Variants in SMAD4 observed in about 807,000 individuals in gnomAD.
SMAD4 encodes MAD homolog 4.
Under a neutral mutation model 63.2 loss-of-function variants are expected in SMAD4, and 7 were observed. That is an observed-to-expected ratio of 0.11 (90% CI 0.06 to 0.21). The LOEUF is 0.21. SMAD4 is among the 10% of genes least tolerant of loss of function. The pLI, the probability that SMAD4 is intolerant of heterozygous loss-of-function variation, is 1.00. For synonymous variants in SMAD4, 215 were observed against 235.4 expected (o/e 0.91, Z 0.79); for missense variants, 312 against 693.8 (o/e 0.45, Z 6.18).
intron 4 of SMAD4, among the ~76,000 whole-genome samples, chr18:51,049,938 G>T (rs1405336448): frequency 1.3e-5 from 2 of 151,996 alleles, no homozygotes; most frequent in Non-Finnish European, 2.9e-5. Context: ...TGTGAATGGG[G>T]GTGTTTTTGT....
rs1017376458 is a variant in SMAD4 at position 51,081,627 on chromosome 18, A to G, written c.*3160A>G. ...TGAGACATGTGAGTAAACTGAACTC[A>G]TATTAGCTGTGCTGCATTTCAGACT... On this transcript the variant is annotated 3_prime_UTR_variant, in exon 12 of 12. Transcript: ENST00000342988. 5 of 232,738 alleles carry G rather than the reference A, an allele frequency of 2.1e-5. No individual in the cohort carries two copies. The highest frequency in any genetic ancestry group is 1.1e-4 in the African/African-American group (5 of 45,332). 14.4% of individuals were successfully genotyped at this position (232,738 alleles called of 1,614,324 possible).
intron 10 of SMAD4, among the ~76,000 whole-genome samples, chr18:51,070,164 AC>A (rs1423474393): frequency 6.6e-6 from 1 of 152,256 alleles, no homozygotes; most frequent in African/African-American, 2.4e-5. Context: ...TTGAATATAT[AC>A]TGTGTGCCAG....
rs370726274 is a variant in SMAD4 at position 51,055,010 on chromosome 18, G to A, written c.667+17G>A. ...CTTCCACAAGTGAGTTCTAGAATCA[G>A]ATGTAGTCAGCAAGTTGAGTTTTCC... On this transcript the variant is annotated intron_variant, in intron 5 of 11. Coordinates refer to ENST00000342988, the MANE Select transcript of SMAD4 (RefSeq NM_005359.6). 1.4e-5 allele frequency: 22 copies of A among 1,585,686 alleles called. No homozygotes were observed. Among genetic ancestry groups the A allele is most frequent in the African/African-American group, 1.3e-5 (1 of 74,380 alleles).
chr18:51,077,502 CATTGTAAT>C (rs1910499511), intron 11 of SMAD4: 1 of 343,528 alleles, frequency 2.9e-6, no homozygotes, highest in Admixed American at 6.4e-5. Flanking sequence ...CCATTAGTTT[CATTGTAAT>C]ATTGATGAAT....
At chr18:51,049,429 C>T in intron 4 of SMAD4, 105 bp downstream of exon 4, 2 of 827,080 alleles carry the variant, frequency 2.4e-6, no homozygotes, top group Non-Finnish European at 2.1e-6. Flanking sequence ...GTAACATTAA[C>T]AAGAAAATAA....
At chr18:51,045,741 A>C (rs1909525585) in intron 1 of SMAD4, among the ~76,000 whole-genome samples, 1 of 151,982 alleles carries the variant, frequency 6.6e-6, no homozygotes, top group Non-Finnish European at 1.5e-5. Context: ...AATTTTTAGG[A>C]CTTTTTCATT....
chr18:51,051,921 C>T (rs754518708), intron 4 of SMAD4, among the ~76,000 whole-genome samples: 10 of 152,040 alleles, frequency 6.6e-5, no homozygotes, highest in Non-Finnish European at 1.5e-4. Flanking sequence ...ATTCTCCTGC[C>T]TCAGCCTCCT....
rs1183830755 is a variant in SMAD4, at chr18:51,047,025, T to G, written c.-22T>G. The G allele has an allele frequency of 6.2e-7, 1 of 1,611,096 alleles. No homozygotes were observed. Among genetic ancestry groups the G allele is most frequent in the East Asian group, 2.2e-5 (1 of 44,824 alleles). On this transcript the variant is annotated 5_prime_UTR_variant, in exon 2 of 12. It adds an upstream start codon to the 5' untranslated region. Transcript: ENST00000342988. ...TTCAGAAATTGGAGACATATTTGAT[T>G]TAAAAGGAAAAACTTGAACAAATGG...
intron 2 of SMAD4, 28 bp downstream of exon 2, chr18:51,047,323 C>T (rs1407792239): frequency 1.2e-6 from 2 of 1,604,970 alleles, no homozygotes; most frequent in Admixed American, 1.7e-5. Flanking sequence ...TTTTCTATAC[C>T]CTCTATGGTG....
intron 10 of SMAD4, among the ~76,000 whole-genome samples, chr18:51,074,979 G>T (rs1434010004): frequency 1.3e-5 from 2 of 152,078 alleles, no homozygotes; most frequent in Non-Finnish European, 2.9e-5. Flanking sequence ...CAAAGTGCTG[G>T]GATTACAGGC....
chr18:51,073,052 C>T (rs767536868), intron 10 of SMAD4, among the ~76,000 whole-genome samples: 2 of 152,000 alleles, frequency 1.3e-5, no homozygotes, highest in South Asian at 2.1e-4. Context: ...GCTATAATTA[C>T]GTAAATAATC....
Position 51,030,426 on chromosome 18 carries a change from C to A in SMAD4, c.-325C>A, listed in dbSNP as rs1194983612. 1 of 151,252 alleles carries A rather than the reference C, an allele frequency of 6.6e-6. No homozygotes were observed. The highest frequency in any genetic ancestry group is 1.5e-5 in the Non-Finnish European group (1 of 67,712). The allele number at this position is 151,252 out of a possible 1,614,324, so 9.4% of individuals were successfully genotyped here. A position where few individuals can be genotyped will look rare whatever the true frequency, so the allele number is the denominator to read the frequency against. ...GCGCCCAGCGAGAGAGGCCCCCCGC[C>A]GCAGGGCGGCCCGGGAGCTCGAGGC... On this transcript the variant is annotated 5_prime_UTR_variant, in exon 1 of 12. Coordinates refer to ENST00000342988, the MANE Select transcript of SMAD4 (RefSeq NM_005359.6).
intron 8 of SMAD4, 48 bp from the exon 9 acceptor site, chr18:51,065,374 CT>C (rs781255925): frequency 6.7e-7 from 1 of 1,498,796 alleles, no homozygotes; most frequent in East Asian, 2.3e-5. Flanking sequence ...AAGTGAAAGC[CT>C]TATATCTTTC....
chr18:51,070,419 A>ATCTAT (rs2144460424), intron 10 of SMAD4, among the ~76,000 whole-genome samples: 1 of 152,304 alleles, frequency 6.6e-6, no homozygotes, highest in East Asian at 1.9e-4. Flanking sequence ...GTAGATAAAT[A>ATCTAT]CCTTGTTGGA....
chr18:51,035,751 C>A (rs1421813485), intron 1 of SMAD4, among the ~76,000 whole-genome samples: 1 of 152,188 alleles, frequency 6.6e-6, no homozygotes, highest in Non-Finnish European at 1.5e-5. Flanking sequence ...GCATGTTCAG[C>A]TCTCCATTTA....
intron 1 of SMAD4, among the ~76,000 whole-genome samples, chr18:51,038,971 G>A (rs902082400): frequency 2.0e-5 from 3 of 152,140 alleles, no homozygotes; most frequent in Non-Finnish European, 2.9e-5. Flanking sequence ...GCTGGGCATG[G>A]TGGTACATGT....
chr18:51,056,544 C>T (rs945479774), intron 5 of SMAD4, among the ~76,000 whole-genome samples: 5 of 146,652 alleles, frequency 3.4e-5, no homozygotes, highest in Admixed American at 7.0e-5. Context: ...GGCGTGAACC[C>T]GGGAGGCGGA....
In SMAD4 at chr18:51,082,581, A is replaced by G. The variant is rs1226368668; in HGVS notation, c.*4114A>G. On this transcript the variant is annotated 3_prime_UTR_variant, in exon 12 of 12. Coordinates refer to ENST00000342988, the MANE Select transcript of SMAD4 (RefSeq NM_005359.6). The stretch of plus-strand genomic sequence containing the variant: ...TTAATTTTTAGCCTTTTTTTGGTGG[A>G]GTTATTTAATATGTATATCAGAGGA... 1 of 228,512 alleles carries G rather than the reference A, an allele frequency of 4.4e-6. No homozygotes were observed. The highest frequency in any genetic ancestry group is 2.2e-5 in the African/African-American group (1 of 44,776). The allele number at this position is 228,512 out of a possible 1,614,324, so 14.2% of individuals were successfully genotyped here.
At chr18:51,049,537 C>CT (rs1255078878) in intron 4 of SMAD4, 1 of 522,004 alleles carries the variant, frequency 1.9e-6, no homozygotes, top group Non-Finnish European at 3.4e-6. Flanking sequence ...ATTTGAACTG[C>CT]AATTTATGAA....
Sources: gnomAD v4.1 joint callset for allele counts (sites outside exome capture counted in the v4.1 genomes callset) on GRCh38, gnomAD v4.1.1 for gene constraint, MANE v1.5 for transcripts, NCBI Gene and HGNC (gene_info 2026-07-23, HGNC 2026-07-21) for gene names.